The following NCKAP5 variants were observed in gnomAD, a reference collection of about 807,000 sequenced individuals.
The protein encoded by NCKAP5 is nck-associated protein 5.
A neutral mutation model predicts 167.0 loss-of-function variants in NCKAP5; 92 were observed. The observed-to-expected ratio is 0.55, with a 90% CI of 0.47 to 0.66. The LOEUF (loss-of-function observed/expected upper bound fraction) is 0.66, where lower values mean the gene tolerates loss of function less well. Ranked by LOEUF, NCKAP5 falls within the 30% of genes least tolerant of loss-of-function variation. The pLI is 0.00. For missense variants in NCKAP5, 2,378 were observed against 2,315.0 expected (o/e 1.03, Z -0.56); for synonymous variants, 891 against 877.4 (o/e 1.02, Z -0.27).
chr2:133,580,976 C>T, the NCKAP5 span, among the ~76,000 whole-genome samples: 1 of 152,172 alleles, frequency 6.6e-6, no homozygotes, highest in African/African-American at 2.4e-5. Context: ...CCCTTTTCTT[C>T]CAACCTCCTT....
chr2:132,818,122 G>GT (rs1055426152), intron 11 of NCKAP5, among the ~76,000 whole-genome samples: 2 of 151,914 alleles, frequency 1.3e-5, no homozygotes, highest in African/African-American at 2.4e-5. Flanking sequence ...TAATTTTTGT[G>GT]TTTTTTGTAG....
At chr2:132,869,896 G>A (rs1050997178) in intron 9 of NCKAP5, among the ~76,000 whole-genome samples, 2 of 152,212 alleles carry the variant, frequency 1.3e-5, no homozygotes, top group African/African-American at 2.4e-5. Flanking sequence ...TGGAAATAAG[G>A]TAGTCACTGT....
At chr2:133,353,465 C>G (rs1232455548) in intron 3 of NCKAP5, among the ~76,000 whole-genome samples, 1 of 152,150 alleles carries the variant, frequency 6.6e-6, no homozygotes, top group Non-Finnish European at 1.5e-5. Context: ...CTGACTTCTC[C>G]TCAATTTGAT....
At chr2:132,881,785 T>C (rs2148824130) in intron 8 of NCKAP5, among the ~76,000 whole-genome samples, 1 of 152,276 alleles carries the variant, frequency 6.6e-6, no homozygotes, top group Non-Finnish European at 1.5e-5. Context: ...CTCCCCACTG[T>C]AAAGTTACTG....
chr2:132,812,673 T>C lies in NCKAP5; in HGVS notation c.808-15944A>G, dbSNP rs551281669. ...TTTTAGCACAGCTAAGAGATGTTACTGAGAAACGATTACTCAGGAGAGGGG... is the reference window on the plus strand; with the variant it reads ...TTTTAGCACAGCTAAGAGATGTTACCGAGAAACGATTACTCAGGAGAGGGG... On this transcript the variant is annotated intron_variant, in intron 11 of 19. Coordinates refer to ENST00000409261, the MANE Select transcript of NCKAP5 (RefSeq NM_207363.3). Among the ~76,000 whole-genome samples, 216 of 152,340 alleles carry C rather than the reference T, an allele frequency of 1.4e-3. 1 individual carries two copies. Among genetic ancestry groups the C allele is most frequent in the African/African-American group, 4.9e-3 (205 of 41,590 alleles).
intron 3 of NCKAP5, among the ~76,000 whole-genome samples, chr2:133,457,298 T>G (rs1027522808): frequency 1.3e-5 from 2 of 152,182 alleles, no homozygotes; most frequent in Admixed American, 6.5e-5. Context: ...TTTAAGATAA[T>G]GGCTTCCAGT....
chr2:132,918,681 T>C (rs1355069803), intron 8 of NCKAP5, among the ~76,000 whole-genome samples: 1 of 151,994 alleles, frequency 6.6e-6, no homozygotes, highest in African/African-American at 2.4e-5. Flanking sequence ...ATTTCTAAAA[T>C]AAGAACAAAA....
chr2:133,373,619 G>A (rs1053726651), intron 3 of NCKAP5, among the ~76,000 whole-genome samples: 2 of 152,160 alleles, frequency 1.3e-5, no homozygotes, highest in African/African-American at 4.8e-5. Flanking sequence ...TATCGAAGGA[G>A]ATGAATAAAA....
intron 6 of NCKAP5, among the ~76,000 whole-genome samples, chr2:133,049,724 G>A (rs2079539952): frequency 6.6e-6 from 1 of 151,998 alleles, no homozygotes. Context: ...TTCTCATCCT[G>A]CTCATCTCCG....
At chr2:133,662,454 G>GGAA in the NCKAP5 span, among the ~76,000 whole-genome samples, 2 of 151,300 alleles carry the variant, frequency 1.3e-5, no homozygotes, top group African/African-American at 4.9e-5. Flanking sequence ...GTTTCCATAT[G>GGAA]GAAGAAATAT....
At chr2:133,496,205 C>G (rs1681934010) in intron 3 of NCKAP5, among the ~76,000 whole-genome samples, 1 of 152,136 alleles carries the variant, frequency 6.6e-6, no homozygotes, top group Non-Finnish European at 1.5e-5. Context: ...AAAAGGGAAA[C>G]CCTCCTCACC....
intron 7 of NCKAP5, among the ~76,000 whole-genome samples, chr2:132,971,612 T>C (rs2076836865): frequency 6.6e-6 from 1 of 152,192 alleles, no homozygotes; most frequent in South Asian, 2.1e-4. Flanking sequence ...CAATAGGCTA[T>C]GCGGGAGTTG....
chr2:132,998,297 C>A (rs2077668183), intron 6 of NCKAP5, among the ~76,000 whole-genome samples: 1 of 152,140 alleles, frequency 6.6e-6, no homozygotes, highest in Admixed American at 6.5e-5. Flanking sequence ...ACCTTTCCCC[C>A]ATTTTTCTTG....
At chr2:133,260,401 G>A (rs376153377) in intron 4 of NCKAP5, among the ~76,000 whole-genome samples, 2 of 152,220 alleles carry the variant, frequency 1.3e-5, no homozygotes, top group Admixed American at 6.5e-5. Flanking sequence ...CTGGAACACA[G>A]TGAAGGGTGG....
intron 9 of NCKAP5, among the ~76,000 whole-genome samples, chr2:132,873,853 A>T (rs2148786733): frequency 6.6e-6 from 1 of 152,314 alleles, no homozygotes; most frequent in East Asian, 1.9e-4. Context: ...CTAATTTGGA[A>T]ATTAATTTCC....
At chr2:133,159,575 A>G (rs1226770532) in intron 5 of NCKAP5, among the ~76,000 whole-genome samples, 1 of 152,210 alleles carries the variant, frequency 6.6e-6, no homozygotes, top group Non-Finnish European at 1.5e-5. Context: ...ATAAAGCAAC[A>G]CATTCCATCA....
Position 132,796,679 on chromosome 2 carries a change from C to T in NCKAP5, c.858G>A (p.Glu286=), listed in dbSNP as rs748858571. Reference sequence around the variant, plus strand: ...GTGTCAGACTTCGGTTTCTTTCCACCTCTGAAAGCAAATCTCCAGATGAAA... The same window carrying T: ...GTGTCAGACTTCGGTTTCTTTCCACTTCTGAAAGCAAATCTCCAGATGAAA... ...LDLSSGDLLS[E]VERNRSLTQS... is the part of the protein sequence containing the mutation. The change falls in exon 12 of 20, where the codon GAG becomes GAA. Residue 286 remains glutamate, a synonymous_variant. Transcript: ENST00000409261. 18 of 1,613,256 alleles carry T rather than the reference C, an allele frequency of 1.1e-5. No homozygotes were observed. Among genetic ancestry groups the T allele is most frequent in the Non-Finnish European group, 1.5e-5 (18 of 1,179,666 alleles).
intron 6 of NCKAP5, among the ~76,000 whole-genome samples, chr2:133,115,953 A>C (rs1394094774): frequency 6.6e-6 from 1 of 151,396 alleles, no homozygotes; most frequent in African/African-American, 2.4e-5. Flanking sequence ...ACTCTAGATA[A>C]ATATTTTTTG....
chr2:132,699,527 T>A (rs1454736560), intron 19 of NCKAP5, among the ~76,000 whole-genome samples: 1 of 151,920 alleles, frequency 6.6e-6, no homozygotes, highest in African/African-American at 2.4e-5. Flanking sequence ...CTCCATCCTG[T>A]GTCCAAGTGT....
Sources: gnomAD v4.1 joint callset for allele counts (sites outside exome capture counted in the v4.1 genomes callset) on GRCh38, gnomAD v4.1.1 for gene constraint, MANE v1.5 for transcripts, NCBI Gene and HGNC (gene_info 2026-07-23, HGNC 2026-07-21) for gene names.